ANKS6: variants seen among roughly 807,000 people sequenced by gnomAD.
ANKS6 encodes the protein ankyrin repeat and SAM domain-containing protein 6.
A neutral mutation model predicts 77.9 loss-of-function variants in ANKS6; 47 were observed. The ratio of observed to expected loss-of-function variants is 0.60; its 90% CI spans 0.48 to 0.77. The LOEUF (loss-of-function observed/expected upper bound fraction) is 0.77. Ranked by LOEUF, ANKS6 falls within the 30% of genes least tolerant of loss-of-function variation. The pLI is 0.00. For synonymous variants in ANKS6, 488 were observed against 501.7 expected, an observed-to-expected ratio of 0.97 and a Z score of 0.37; for missense variants, 1,150 against 1,159.1, an observed-to-expected ratio of 0.99 and a Z score of 0.11.
intron 3 of ANKS6, chr9:98,784,507 C>A (rs1297467022): frequency 1.2e-5 from 5 of 408,672 alleles, no homozygotes; most frequent in Non-Finnish European, 2.2e-5. Context: ...GGGTCTATAT[C>A]AAGAGAGAAA....
At chr9:98,776,206 T>C (rs797001386) in intron 8 of ANKS6, among the ~76,000 whole-genome samples, 3 of 151,906 alleles carry the variant, frequency 2.0e-5, no homozygotes, top group East Asian at 3.9e-4. Flanking sequence ...TTCCTGGGAG[T>C]GATCTTGTTT....
chr9:98,752,008 C>T (rs1832453071), intron 12 of ANKS6, among the ~76,000 whole-genome samples: 1 of 152,164 alleles, frequency 6.6e-6, no homozygotes, highest in Non-Finnish European at 1.5e-5. Flanking sequence ...ATCACTTGTG[C>T]CCAGGAGTTT....
At chr9:98,795,189 C>T (rs1490734845) in intron 1 of ANKS6, among the ~76,000 whole-genome samples, 3 of 152,164 alleles carry the variant, frequency 2.0e-5, no homozygotes, top group South Asian at 2.1e-4. Flanking sequence ...GCCCTCCCTC[C>T]GCTGTCTCCA....
At chr9:98,745,191 C>G (rs953116983) in intron 14 of ANKS6, among the ~76,000 whole-genome samples, 1 of 152,184 alleles carries the variant, frequency 6.6e-6, no homozygotes, top group Admixed American at 6.5e-5. Flanking sequence ...ACCCTACAGA[C>G]AGGGACAGTG....
At chr9:98,741,797 A>G (rs756836036) in intron 14 of ANKS6, among the ~76,000 whole-genome samples, 4 of 152,174 alleles carry the variant, frequency 2.6e-5, no homozygotes, top group Non-Finnish European at 4.4e-5. Flanking sequence ...TGCTAATATT[A>G]CTATGCTTAA....
chr9:98,753,489 T>C (rs1483577218), intron 12 of ANKS6, among the ~76,000 whole-genome samples: 1 of 152,190 alleles, frequency 6.6e-6, no homozygotes. Context: ...ACTGCCTAGA[T>C]TACATGTAGA....
rs41312226 is a variant in ANKS6 at position 98,771,140 on chromosome 9, G to A, written c.1822-94C>T. 0.016 allele frequency: 20,607 copies of A among 1,322,954 alleles called. 196 individuals are homozygous for A. The highest frequency in any genetic ancestry group is 0.018 in the Non-Finnish European group (18,699 of 1,019,988). 82.0% of individuals were successfully genotyped at this position (1,322,954 alleles called of 1,614,324 possible). On this transcript the variant is annotated intron_variant, in intron 9 of 14. Coordinates refer to ENST00000353234, the MANE Select transcript of ANKS6 (RefSeq NM_173551.5). ...GTGGGGGTTCCTGTGCTCAGCTGGTGCATACCCCACCAAAGCTCGCTGTGC... is the reference window on the plus strand; with the variant it reads ...GTGGGGGTTCCTGTGCTCAGCTGGTACATACCCCACCAAAGCTCGCTGTGC...
intron 11 of ANKS6, among the ~76,000 whole-genome samples, chr9:98,761,103 A>C (rs1832980781): frequency 6.6e-6 from 1 of 152,208 alleles, no homozygotes; most frequent in Non-Finnish European, 1.5e-5. Context: ...TATCTTAATT[A>C]TGGTTTTAAT....
rs368551263 is a variant in ANKS6 at position 98,778,363 on chromosome 9, C to T, written c.1430G>A (p.Arg477His). Residue 477 changes from arginine (R) to histidine (H), a missense_variant, in exon 7 of 15, where the codon CGT (arginine) becomes CAT (histidine). Physicochemically the swap from Arg to His is conservative, Grantham distance 29. Coordinates refer to ENST00000353234, the MANE Select transcript of ANKS6 (RefSeq NM_173551.5). ...CAAAGGCTGGTTGCTGGACAGCCCA[C>T]GGGGCAGCGTCTGCATCAGTTTGAG... The part of the protein sequence containing the change: ...RKLKLMQTLP[R>H]GLSSNQPLPF... 70 of 1,614,022 alleles carry T rather than the reference C, an allele frequency of 4.3e-5. No homozygotes were observed. The highest frequency in any genetic ancestry group is 3.2e-4 in the African/African-American group (24 of 74,912).
chr9:98,778,359 C>T lies in ANKS6; in HGVS notation c.1434G>A (p.Gly478=). The change falls in exon 7 of 15, where the codon GGG becomes GGA. Residue 478 remains glycine, a synonymous_variant. Transcript: ENST00000353234. ...KLKLMQTLPR[G]LSSNQPLPFS... ...AAGGCAAAGGCTGGTTGCTGGACAG[C>T]CCACGGGGCAGCGTCTGCATCAGTT... 3.1e-6 allele frequency: 5 copies of T among 1,614,176 alleles called. No homozygotes were observed. The highest frequency in any genetic ancestry group is 3.4e-6 in the Non-Finnish European group (4 of 1,180,036).
At chr9:98,778,487 C>A in intron 6 of ANKS6, 63 bp from the exon 7 acceptor site, 1 of 1,522,830 alleles carries the variant, frequency 6.6e-7, no homozygotes, top group South Asian at 1.2e-5. Context: ...AGGCCCAGGA[C>A]CTGCCAGCCC....
chr9:98,733,399 C>T lies in ANKS6; in HGVS notation c.*3120G>A, dbSNP rs1008006054. 5.4e-5 allele frequency: 53 copies of T among 985,330 alleles called. No homozygotes were observed. Among genetic ancestry groups the T allele is most frequent in the Non-Finnish European group, 5.9e-5 (49 of 829,976 alleles). 61.0% of individuals were successfully genotyped at this position (985,330 alleles called of 1,614,324 possible). A position where few individuals can be genotyped will look rare whatever the true frequency, so the allele number is the denominator to read the frequency against. ...CCCTGCAGGAGAGCTCAGGGTGGAG[C>T]CTCAGCTCAATGCCCTCAGGCTGGA... On this transcript the variant is annotated 3_prime_UTR_variant, in exon 15 of 15. Coordinates refer to ENST00000353234, the MANE Select transcript of ANKS6 (RefSeq NM_173551.5).
chr9:98,778,914 C>T (rs1211900384), intron 6 of ANKS6, among the ~76,000 whole-genome samples: 1 of 152,144 alleles, frequency 6.6e-6, no homozygotes, highest in African/African-American at 2.4e-5. Flanking sequence ...CTGAGCCTCA[C>T]CTAGAGAGGA....
chr9:98,773,562 C>A (rs1211755093), intron 9 of ANKS6, among the ~76,000 whole-genome samples: 4 of 152,176 alleles, frequency 2.6e-5, no homozygotes, highest in Non-Finnish European at 5.9e-5. Context: ...ATTACTCCCA[C>A]TCCCTGGGTC....
rs761881597 is a variant in ANKS6, at chr9:98,778,252, T to C, written c.1541A>G (p.Asp514Gly). 6.2e-7 allele frequency: 1 copy of C among 1,614,190 alleles called. No individual in the cohort carries two copies. The highest frequency in any genetic ancestry group is 1.1e-5 in the South Asian group (1 of 91,064). The change falls in exon 7 of 15, where the codon GAT (aspartate) becomes GGT (glycine). Residue 514 changes from aspartate to glycine, a missense_variant. Asp to Gly is a moderately conservative substitution (Grantham distance 94). Coordinates refer to ENST00000353234, the MANE Select transcript of ANKS6 (RefSeq NM_173551.5). ...ATTGTCTTTGGTCACAGGGGCCGCATCAGGGAGTGCAGAGCGGCTTGTCTT... is the reference window on the plus strand; with the variant it reads ...ATTGTCTTTGGTCACAGGGGCCGCACCAGGGAGTGCAGAGCGGCTTGTCTT... ...QDKTSRSALP[D>G]AAPVTKDNGP...
intron 5 of ANKS6, among the ~76,000 whole-genome samples, chr9:98,781,625 G>C (rs955026200): frequency 3.9e-5 from 6 of 152,116 alleles, no homozygotes; most frequent in Non-Finnish European, 8.8e-5. Flanking sequence ...AACCAAGTGT[G>C]CATCTGTGAA....
chr9:98,784,740 C>T lies in ANKS6; in HGVS notation c.907+92G>A. ...AATGCCTGTTTCTTTCTCAAATACC[C>T]TGGGTGGCCCTGCAAAGGACTACAA... On this transcript the variant is annotated intron_variant, in intron 3 of 14. Coordinates refer to ENST00000353234, the MANE Select transcript of ANKS6 (RefSeq NM_173551.5). The T allele has an allele frequency of 2.5e-6, 3 of 1,185,500 alleles. No individual in the cohort carries two copies. The East Asian group carries it at 7.0e-5, about 28-fold the overall frequency. 73.4% of individuals were successfully genotyped at this position (1,185,500 alleles called of 1,614,324 possible).
intron 7 of ANKS6, among the ~76,000 whole-genome samples, chr9:98,778,009 G>A (rs1016244019): frequency 5.3e-5 from 8 of 151,998 alleles, no homozygotes; most frequent in Admixed American, 5.2e-4. Context: ...CAGGAACCTG[G>A]GCCTCTTGCC....
rs558101182 is a variant in ANKS6 at position 98,737,491 on chromosome 9, T to TA, written c.2512-869dup. Among the ~76,000 whole-genome samples, 1,238 of 148,392 alleles carry TA rather than the reference T, an allele frequency of 8.3e-3. 19 individuals are homozygous for TA. The highest frequency in any genetic ancestry group is 0.028 in the African/African-American group (1,152 of 40,624). On this transcript the variant is annotated intron_variant, in intron 14 of 14. Transcript: ENST00000353234. ...CACTTCTATAATAGCTGCAAAAAAA[T>TA]AAAAAAAAAAAATACTTAGGAATAT...
Sources: gnomAD v4.1 joint callset for allele counts (sites outside exome capture counted in the v4.1 genomes callset) on GRCh38, gnomAD v4.1.1 for gene constraint, MANE v1.5 for transcripts, NCBI Gene and HGNC (gene_info 2026-07-23, HGNC 2026-07-21) for gene names.